ZMAT1: variants seen among roughly 807,000 people sequenced by gnomAD.
ZMAT1 encodes the protein zinc finger matrin-type protein 1.
In ZMAT1, 11 loss-of-function variants were observed where a neutral mutation model predicts 18.5. The observed-to-expected ratio is 0.59, with a 90% CI of 0.37 to 0.98. The LOEUF is 0.98. ZMAT1 is among the 50% of genes least tolerant of loss of function. ZMAT1 has a pLI of 0.01. For synonymous variants in ZMAT1, 211 were observed against 176.4 expected (o/e 1.20, Z -1.55); for missense variants, 525 against 496.2 (o/e 1.06, Z -0.55).
intron 1 of ZMAT1, among the ~76,000 whole-genome samples, chrX:101,923,746 G>C (rs1929875722): frequency 9.0e-6 from 1 of 111,695 alleles, no homozygotes; most frequent in Non-Finnish European, 1.9e-5. Flanking sequence ...TAGTATTTTG[G>C]TTATGATTTA....
intron 1 of ZMAT1, among the ~76,000 whole-genome samples, chrX:101,925,762 T>C (rs1930017285): frequency 8.9e-6 from 1 of 112,646 alleles, no homozygotes; most frequent in Non-Finnish European, 1.9e-5. Flanking sequence ...ACCAGAGTTA[T>C]TTTAGAGGTC....
At chrX:101,889,131 T>C (rs1183914572) in intron 4 of ZMAT1, 1 of 111,732 alleles carries the variant, frequency 8.9e-6, no homozygotes. Flanking sequence ...TCTTTATCTT[T>C]TTCTAGGATT....
intron 1 of ZMAT1, 62 bp downstream of exon 1, chrX:101,931,655 C>G: frequency 2.7e-6 from 2 of 745,164 alleles, no homozygotes; most frequent in South Asian, 6.7e-5. Flanking sequence ...CAATCTCGGA[C>G]GGGCTGAAGA....
chrX:101,895,727 C>G, intron 4 of ZMAT1: 2 of 324,875 alleles, frequency 6.2e-6, no homozygotes, highest in Non-Finnish European at 8.1e-6. Flanking sequence ...TTAAAGGAAG[C>G]AGGATAGAGC....
At chrX:101,928,124 T>C (rs767418112) in intron 1 of ZMAT1, among the ~76,000 whole-genome samples, 11 of 112,313 alleles carry the variant, frequency 9.8e-5, no homozygotes, top group African/African-American at 3.2e-4. Flanking sequence ...TAATAAACAA[T>C]GGAATGGTCC....
At chrX:101,930,920 T>C (rs1487380233) in intron 1 of ZMAT1, among the ~76,000 whole-genome samples, 1 of 112,345 alleles carries the variant, frequency 8.9e-6, no homozygotes, top group African/African-American at 3.2e-5. Context: ...AGGAGTAATA[T>C]GTGTTGGTAG....
At chrX:101,922,471 G>A (rs1306654121) in intron 1 of ZMAT1, among the ~76,000 whole-genome samples, 1 of 108,409 alleles carries the variant, frequency 9.2e-6, no homozygotes, top group East Asian at 2.9e-4. Flanking sequence ...TTGGCTCACT[G>A]CAACCTCTGC....
At chrX:101,886,037 A>G (rs974291645) in intron 5 of ZMAT1, among the ~76,000 whole-genome samples, 1 of 111,657 alleles carries the variant, frequency 9.0e-6, no homozygotes, top group Non-Finnish European at 1.9e-5. Flanking sequence ...ACCTGAACTA[A>G]CCAATCTCCA....
intron 4 of ZMAT1, among the ~76,000 whole-genome samples, chrX:101,891,388 G>A (rs933779149): frequency 2.7e-5 from 3 of 111,404 alleles, no homozygotes; most frequent in African/African-American, 9.8e-5. Context: ...GTAGGCAATG[G>A]TGAATAGTGT....
intron 1 of ZMAT1, among the ~76,000 whole-genome samples, chrX:101,914,661 A>G (rs1281288761): frequency 9.0e-6 from 1 of 111,452 alleles, no homozygotes; most frequent in African/African-American, 3.3e-5. Context: ...GAAATCCAGA[A>G]CCATTCAGGC....
intron 1 of ZMAT1, among the ~76,000 whole-genome samples, chrX:101,923,904 T>C (rs759127959): frequency 9.9e-5 from 11 of 111,446 alleles, no homozygotes; most frequent in Non-Finnish European, 1.9e-4. Flanking sequence ...AATGACAACA[T>C]ACTAAATATT....
chrX:101,902,110 A>G (rs1928272779), intron 2 of ZMAT1, among the ~76,000 whole-genome samples: 1 of 112,208 alleles, frequency 8.9e-6, no homozygotes, highest in South Asian at 3.6e-4. Flanking sequence ...TGCAGCAATG[A>G]GAGTGTTTCC....
chrX:101,911,150 A>G (rs956680516), intron 1 of ZMAT1, among the ~76,000 whole-genome samples: 1 of 112,025 alleles, frequency 8.9e-6, no homozygotes, highest in Non-Finnish European at 1.9e-5. Flanking sequence ...TAAAGAAAAA[A>G]AAAGCCCTTT....
chrX:101,909,802 T>G (rs180738944), intron 1 of ZMAT1, among the ~76,000 whole-genome samples: 123 of 112,476 alleles, frequency 1.1e-3, no homozygotes, highest in African/African-American at 3.9e-3. Context: ...CTCTAGTCGC[T>G]GACTCCCAAA....
At chrX:101,909,224 T>C (rs1170818169) in intron 1 of ZMAT1, among the ~76,000 whole-genome samples, 1 of 110,159 alleles carries the variant, frequency 9.1e-6, no homozygotes, top group Non-Finnish European at 1.9e-5. Context: ...GCGTTCATCA[T>C]CTGCTAACTG....
intron 2 of ZMAT1, among the ~76,000 whole-genome samples, chrX:101,902,952 A>G: frequency 9.0e-6 from 1 of 111,694 alleles, no homozygotes; most frequent in African/African-American, 3.2e-5. Flanking sequence ...ATCATATTGG[A>G]ATCACAGAAG....
chrX:101,886,823 C>T (rs765703144), intron 4 of ZMAT1, 92 bp from the exon 5 acceptor site: 1 of 596,250 alleles, frequency 1.7e-6, no homozygotes, highest in African/African-American at 2.3e-5. Context: ...TTATTAGAGA[C>T]CATCTACTTG....
At chrX:101,917,980 T>C (rs183406680) in intron 1 of ZMAT1, among the ~76,000 whole-genome samples, 1 of 111,452 alleles carries the variant, frequency 9.0e-6, no homozygotes, top group East Asian at 2.8e-4. Context: ...GATCTAAAAA[T>C]CAAAACAACT....
intron 1 of ZMAT1, among the ~76,000 whole-genome samples, chrX:101,921,727 G>A (rs1191613421): frequency 9.0e-6 from 1 of 111,131 alleles, no homozygotes; most frequent in Non-Finnish European, 1.9e-5. Flanking sequence ...AATTTTGGTG[G>A]GGTACTTATT....
Sources: gnomAD v4.1 joint callset for allele counts (sites outside exome capture counted in the v4.1 genomes callset) on GRCh38, gnomAD v4.1.1 for gene constraint, MANE v1.5 for transcripts, NCBI Gene and HGNC (gene_info 2026-07-23, HGNC 2026-07-21) for gene names.